The following MDGA2 variants were observed in gnomAD, a reference collection of about 807,000 sequenced individuals.
MDGA2 encodes the protein MAM domain-containing glycosylphosphatidylinositol anchor protein 2.
MDGA2 carries 40 observed loss-of-function variants against 117.8 expected under a neutral mutation model. The ratio of observed to expected loss-of-function variants is 0.34; its 90% CI spans 0.26 to 0.44. The LOEUF is 0.44. MDGA2 is among the 20% of genes least tolerant of loss of function. The pLI is 1.00. For missense variants in MDGA2, 1,123 were observed against 1,250.6 expected (o/e 0.90, Z 1.54); for synonymous variants, 452 against 439.0 (o/e 1.03, Z -0.37).
chr14:47,537,506 T>C (rs10483567), intron 1 of MDGA2, among the ~76,000 whole-genome samples: 46,279 of 140,930 alleles, frequency 0.33, 8,163 homozygotes, highest in East Asian at 0.6. Context: ...GATGCTACTA[T>C]GCAGCTCAAG....
At chr14:47,198,944 T>C (rs1885391050) in intron 3 of MDGA2, among the ~76,000 whole-genome samples, 1 of 152,154 alleles carries the variant, frequency 6.6e-6, no homozygotes, top group Non-Finnish European at 1.5e-5. Flanking sequence ...TGAACAAGCT[T>C]AAAGTTGAAA....
At chr14:46,900,937 G>A (rs930341012) in intron 10 of MDGA2, among the ~76,000 whole-genome samples, 1 of 151,998 alleles carries the variant, frequency 6.6e-6, no homozygotes, top group African/African-American at 2.4e-5. Flanking sequence ...GGGCATAATG[G>A]GAGAAGGTTT....
At chr14:47,005,199 T>G (rs1887669004) in intron 8 of MDGA2, among the ~76,000 whole-genome samples, 1 of 151,660 alleles carries the variant, frequency 6.6e-6, no homozygotes, top group Non-Finnish European at 1.5e-5. Flanking sequence ...AAGCATTCAG[T>G]CTTTTATCAT....
chr14:47,645,506 T>C (rs998562417), intron 1 of MDGA2, among the ~76,000 whole-genome samples: 8 of 151,544 alleles, frequency 5.3e-5, no homozygotes, highest in Non-Finnish European at 1.2e-4. Context: ...AGTGCTGGGA[T>C]TACAGGCGTG....
chr14:47,128,302 A>T (rs1882006998), intron 5 of MDGA2, among the ~76,000 whole-genome samples: 1 of 152,108 alleles, frequency 6.6e-6, no homozygotes, highest in African/African-American at 2.4e-5. Flanking sequence ...TGAGATAAAA[A>T]CACTAAAGAT....
chr14:46,987,749 T>C (rs1886914919), intron 8 of MDGA2, among the ~76,000 whole-genome samples: 1 of 151,998 alleles, frequency 6.6e-6, no homozygotes, highest in African/African-American at 2.4e-5. Context: ...GAAAGGCAAC[T>C]ACTATGTTGC....
intron 1 of MDGA2, among the ~76,000 whole-genome samples, chr14:47,326,872 T>C (rs1890159920): frequency 6.6e-6 from 1 of 152,200 alleles, no homozygotes; most frequent in South Asian, 2.1e-4. Flanking sequence ...ATTAATTTTA[T>C]TTCATTGAAG....
intron 1 of MDGA2, among the ~76,000 whole-genome samples, chr14:47,582,444 G>C (rs1210273463): frequency 6.6e-6 from 1 of 151,862 alleles, no homozygotes; most frequent in Admixed American, 6.6e-5. Flanking sequence ...CCTTTTGATG[G>C]AAATGTCTCA....
At chr14:47,013,595 C>T (rs1887970760) in intron 8 of MDGA2, among the ~76,000 whole-genome samples, 1 of 151,380 alleles carries the variant, frequency 6.6e-6, no homozygotes, top group Non-Finnish European at 1.5e-5. Flanking sequence ...ATGGTGAATT[C>T]TTTCCAGGTT....
At chr14:47,134,797 C>A (rs938625094) in intron 4 of MDGA2, among the ~76,000 whole-genome samples, 2 of 134,964 alleles carry the variant, frequency 1.5e-5, no homozygotes, top group African/African-American at 2.8e-5. Context: ...ATATATATAT[C>A]ACACACATAA....
intron 3 of MDGA2, among the ~76,000 whole-genome samples, chr14:47,204,215 T>C (rs1217288160): frequency 6.6e-6 from 1 of 151,998 alleles, no homozygotes; most frequent in Non-Finnish European, 1.5e-5. Flanking sequence ...AGAACAACAC[T>C]ACATGTTTAA....
intron 1 of MDGA2, among the ~76,000 whole-genome samples, chr14:47,658,242 G>A (rs1387209614): frequency 6.6e-6 from 1 of 152,086 alleles, no homozygotes; most frequent in African/African-American, 2.4e-5. Flanking sequence ...ACATGAGCAG[G>A]GGAGAAGAAC....
intron 1 of MDGA2, among the ~76,000 whole-genome samples, chr14:47,593,351 T>C (rs770551871): frequency 4.6e-5 from 7 of 152,122 alleles, no homozygotes; most frequent in Non-Finnish European, 8.8e-5. Flanking sequence ...GAACCAGAAA[T>C]ACCATTTGAC....
chr14:47,016,919 C>T (rs1888103976), intron 8 of MDGA2, among the ~76,000 whole-genome samples: 1 of 151,118 alleles, frequency 6.6e-6, no homozygotes, highest in Non-Finnish European at 1.5e-5. Flanking sequence ...ATTTTTATAT[C>T]TCTTATTCGT....
At chr14:47,638,447 G>T (rs1897363123) in intron 1 of MDGA2, among the ~76,000 whole-genome samples, 1 of 152,118 alleles carries the variant, frequency 6.6e-6, no homozygotes, top group Non-Finnish European at 1.5e-5. Flanking sequence ...TATACCATGT[G>T]CAGGCTCTTT....
chr14:46,866,883 C>A (rs1881788926), intron 14 of MDGA2, among the ~76,000 whole-genome samples: 1 of 144,730 alleles, frequency 6.9e-6, no homozygotes, highest in Non-Finnish European at 1.6e-5. Flanking sequence ...ATTAAAAAGT[C>A]AGAAAACAAC....
chr14:47,401,611 G>C (rs1892151301), intron 1 of MDGA2, among the ~76,000 whole-genome samples: 1 of 152,194 alleles, frequency 6.6e-6, no homozygotes, highest in Non-Finnish European at 1.5e-5. Flanking sequence ...GTGATGATCT[G>C]TTTGGTACTA....
chr14:46,926,769 T>G (rs1233131459), intron 9 of MDGA2, among the ~76,000 whole-genome samples: 1 of 152,168 alleles, frequency 6.6e-6, no homozygotes, highest in East Asian at 1.9e-4. Context: ...ATAAATTTAT[T>G]TTATGTTTTA....
intron 1 of MDGA2, among the ~76,000 whole-genome samples, chr14:47,455,265 G>A (rs1488963164): frequency 1.3e-5 from 2 of 152,122 alleles, no homozygotes; most frequent in East Asian, 3.9e-4. Context: ...CAGCAATTTG[G>A]GAGGTCGAGG....
Sources: gnomAD v4.1 joint callset for allele counts (sites outside exome capture counted in the v4.1 genomes callset) on GRCh38, gnomAD v4.1.1 for gene constraint, MANE v1.5 for transcripts, NCBI Gene and HGNC (gene_info 2026-07-23, HGNC 2026-07-21) for gene names.